C1QBP: variants seen among roughly 807,000 people sequenced by gnomAD.
C1QBP encodes the protein complement C1q binding protein.
Under a neutral mutation model 29.4 loss-of-function variants are expected in C1QBP, and 24 were observed. The observed-to-expected ratio is 0.82, with a 90% CI of 0.59 to 1.15. C1QBP has a LOEUF of 1.15. Ranked by LOEUF, C1QBP falls within the 50% of genes most tolerant of loss-of-function variation. The pLI, the probability that C1QBP is intolerant of heterozygous loss-of-function variation, is 0.00. For synonymous variants in C1QBP, 182 were observed against 149.2 expected, an observed-to-expected ratio of 1.22 and a Z score of -1.60; for missense variants, 337 against 355.8, an observed-to-expected ratio of 0.95 and a Z score of 0.43.
intron 2 of C1QBP, among the ~76,000 whole-genome samples, chr17:5,435,379 C>T (rs1466334842): frequency 6.6e-6 from 1 of 152,124 alleles, no homozygotes; most frequent in Non-Finnish European, 1.5e-5. Context: ...ACCTGAGAGG[C>T]TGGTGAGATG....
At chr17:5,438,730 C>G (rs1020696853) in intron 1 of C1QBP, 112 bp downstream of exon 1, 88 of 1,539,518 alleles carry the variant, frequency 5.7e-5, no homozygotes, top group Non-Finnish European at 7.5e-5. Flanking sequence ...CCGCTGGTTG[C>G]CAATCAATGG....
Position 5,433,899 on chromosome 17 carries a change from A to G in C1QBP, c.478-132T>C, listed in dbSNP as rs950250510. On this transcript the variant is annotated intron_variant, in intron 3 of 5. Transcript: ENST00000225698. ...GTAGCCATTTGAATAGTCTTATGCC[A>G]TACTATTCCCAAATGAAGAGCTTGA... The G allele has an allele frequency of 9.1e-6, 7 of 773,188 alleles. No homozygotes were observed. In the African/African-American group the frequency reaches 1.0e-4, roughly 11 times the overall value. The allele number at this position is 773,188 out of a possible 1,614,324, so 47.9% of individuals were successfully genotyped here.
chr17:5,435,226 G>C (rs1028344496), intron 2 of C1QBP, among the ~76,000 whole-genome samples: 40 of 152,142 alleles, frequency 2.6e-4, no homozygotes, highest in African/African-American at 8.4e-4. Flanking sequence ...GTTTATCTCA[G>C]CCAAACAAGT....
Position 5,433,723 on chromosome 17 carries a change from C to T in C1QBP, c.522G>A (p.Lys174=). The T allele has an allele frequency of 1.2e-6, 2 of 1,614,212 alleles. No homozygotes were observed. Among genetic ancestry groups the T allele is most frequent in the Non-Finnish European group, 1.7e-6 (2 of 1,180,040 alleles). ...STPNFVVEVI[K]NDDGKKALVL... is the part of the protein sequence containing the mutation. ...CAAGGGCCTTCTTGCCATCATCATT[C>T]TTTATAACTTCAACCACGAAATTGG... Residue 174 remains lysine, a synonymous_variant, in exon 4 of 6, where the codon AAG becomes AAA. Coordinates refer to ENST00000225698, the MANE Select transcript of C1QBP (RefSeq NM_001212.4).
chr17:5,434,833 G>A, intron 3 of C1QBP, 40 bp downstream of exon 3: 1 of 1,561,692 alleles, frequency 6.4e-7, no homozygotes, highest in Non-Finnish European at 8.8e-7. Context: ...GGCACAGCCT[G>A]TCAGAACTGA....
At chr17:5,438,756 C>CT (rs1276465355) in intron 1 of C1QBP, 86 bp downstream of exon 1, 1 of 1,542,516 alleles carries the variant, frequency 6.5e-7, no homozygotes, top group African/African-American at 1.4e-5. Context: ...TGTCCCAGAC[C>CT]TCAGAGGTCG....
In C1QBP at chr17:5,432,933, A is replaced by G. The variant is rs1307723253; in HGVS notation, c.*82T>C. The stretch of plus-strand genomic sequence containing the variant: ...TGATATTAGGATGATAATCATTTCA[A>G]AGCACATGTCTAGCTTCAGAGTAGG... On this transcript the variant is annotated 3_prime_UTR_variant, in exon 6 of 6. Coordinates refer to ENST00000225698, the MANE Select transcript of C1QBP (RefSeq NM_001212.4). The G allele has an allele frequency of 6.8e-7, 1 of 1,463,426 alleles. No homozygotes were observed. Among genetic ancestry groups the G allele is most frequent in the African/African-American group, 1.4e-5 (1 of 70,332 alleles). 90.7% of individuals were successfully genotyped at this position (1,463,426 alleles called of 1,614,324 possible).
chr17:5,433,462 C>T (rs773479371), intron 4 of C1QBP, 47 bp from the exon 5 acceptor site: 2 of 1,612,948 alleles, frequency 1.2e-6, no homozygotes, highest in Non-Finnish European at 1.7e-6. Context: ...CCAGGACAAG[C>T]TAGACTCAGG....
At chr17:5,434,037 T>C in intron 3 of C1QBP, 1 of 485,450 alleles carries the variant, frequency 2.1e-6, no homozygotes, top group Non-Finnish European at 3.7e-6. Context: ...ATCAGTCCCT[T>C]AACATTCCAA....
intron 3 of C1QBP, chr17:5,434,118 C>A (rs113598151): frequency 4.5e-4 from 121 of 270,930 alleles, no homozygotes; most frequent in African/African-American, 2.6e-3. Context: ...TTGACTGTTC[C>A]AGGAGTCTTC....
chr17:5,436,315 G>A (rs1277669898), intron 2 of C1QBP, among the ~76,000 whole-genome samples: 1 of 151,352 alleles, frequency 6.6e-6, no homozygotes, highest in East Asian at 1.9e-4. Flanking sequence ...CAATTGACCT[G>A]TGTAGGGCAA....
chr17:5,438,090 T>C, intron 2 of C1QBP, 33 bp downstream of exon 2: 2 of 1,604,568 alleles, frequency 1.2e-6, no homozygotes, highest in Non-Finnish European at 1.7e-6. Context: ...GTTAAGGGAG[T>C]TGCTGCCCTG....
chr17:5,438,421 A>G (rs1916332942), intron 1 of C1QBP, 148 bp from the exon 2 acceptor site: 1 of 1,035,932 alleles, frequency 9.7e-7, no homozygotes, highest in Non-Finnish European at 1.4e-6. Context: ...CTTATCGGTA[A>G]AAATACCATA....
chr17:5,438,378 T>G, intron 1 of C1QBP, 105 bp from the exon 2 acceptor site: 2 of 1,346,006 alleles, frequency 1.5e-6, no homozygotes, highest in Non-Finnish European at 2.0e-6. Context: ...TTCTAATCTC[T>G]CTGCTATTAC....
intron 2 of C1QBP, 69 bp downstream of exon 2, chr17:5,438,054 G>T (rs1405420220): frequency 6.5e-7 from 1 of 1,540,666 alleles, no homozygotes; most frequent in Non-Finnish European, 8.7e-7. Flanking sequence ...GCTCTTCTGG[G>T]GATGACCCAG....
At chr17:5,436,662 C>T (rs918873173) in intron 2 of C1QBP, among the ~76,000 whole-genome samples, 2 of 151,604 alleles carry the variant, frequency 1.3e-5, no homozygotes, top group Non-Finnish European at 2.9e-5. Flanking sequence ...ACAGTACTTA[C>T]AAATCATTAA....
Position 5,438,277 on chromosome 17 carries a change from G to A in C1QBP, c.233-4C>T, listed in dbSNP as rs1490268962. On this transcript the variant is annotated splice_polypyrimidine_tract_variant and splice_region_variant and intron_variant, in intron 1 of 5. Transcript: ENST00000225698. ...AAATCAACAAAAGCTTTGTCTCCTAGAAAAGAAATCCAGATACATAAAAAG... is the reference window on the plus strand; with the variant it reads ...AAATCAACAAAAGCTTTGTCTCCTAAAAAAGAAATCCAGATACATAAAAAG... 6.8e-6 allele frequency: 11 copies of A among 1,612,168 alleles called. No individual in the cohort carries two copies. Among genetic ancestry groups the A allele is most frequent in the Admixed American group, 5.0e-5 (3 of 59,624 alleles).
At chr17:5,437,735 C>T (rs1230599498) in intron 2 of C1QBP, among the ~76,000 whole-genome samples, 1 of 152,246 alleles carries the variant, frequency 6.6e-6, no homozygotes, top group East Asian at 1.9e-4. Flanking sequence ...ACTTAGGTCA[C>T]AAACTCCCCA....
intron 2 of C1QBP, among the ~76,000 whole-genome samples, chr17:5,437,566 G>T (rs41315142): frequency 6.6e-6 from 1 of 152,172 alleles, no homozygotes; most frequent in Admixed American, 6.5e-5. Context: ...TGATCTGCCC[G>T]TCCCAAAGTG....
Sources: allele counts gnomAD v4.1 joint callset (sites outside exome capture counted in the v4.1 genomes callset), GRCh38; gene constraint gnomAD v4.1.1; transcripts MANE v1.5; gene names NCBI Gene and HGNC (gene_info 2026-07-23, HGNC 2026-07-21).